Variants in CCM2 observed in about 807,000 individuals in gnomAD.
CCM2 encodes cerebral cavernous malformations 2 protein.
CCM2 carries 25 observed loss-of-function variants against 44.9 expected under a neutral mutation model. That is an observed-to-expected ratio of 0.56 (90% CI 0.41 to 0.78). The LOEUF is 0.78. CCM2 is among the 30% of genes least tolerant of loss of function. The pLI is 0.00. For synonymous variants in CCM2, 219 were observed against 241.1 expected, an observed-to-expected ratio of 0.91 and a Z score of 0.85; for missense variants, 481 against 580.6, an observed-to-expected ratio of 0.83 and a Z score of 1.76.
At chr7:45,064,403 A>G in intron 3 of CCM2, 60 bp from the exon 4 acceptor site, 3 of 1,543,284 alleles carry the variant, frequency 1.9e-6, no homozygotes, top group Non-Finnish European at 2.7e-6. Context: ...TCTCAGGAGA[A>G]GCGCCCCATG....
At position 45,069,925 on chromosome 7, in the gene CCM2, G is replaced by A; in HGVS notation, c.709G>A (p.Ala237Thr). The change falls in exon 6 of 10, where the codon GCC becomes ACC. Residue 237 changes from alanine to threonine, a missense_variant. Transcript: ENST00000258781. Reference protein sequence around the residue: ...DFLDRAIFDGASTPTHHLSLH... With the variant: ...DFLDRAIFDGTSTPTHHLSLH... ...TCTGGACAGAGCGATATTTGATGGG[G>A]CCTCTACCCCGACCCACCACCTGTC... The A allele has an allele frequency of 1.2e-6, 2 of 1,614,134 alleles. No homozygotes were observed. Among genetic ancestry groups the A allele is most frequent in the Non-Finnish European group, 1.7e-6 (2 of 1,180,040 alleles).
Position 45,073,480 on chromosome 7 carries a change from A to C in CCM2, c.824A>C (p.Asp275Ala). The change falls in exon 8 of 10, where the codon GAT (aspartate) becomes GCT (alanine). Residue 275 changes from aspartate to alanine, a missense_variant. By Grantham distance (126) the Asp-to-Ala change is moderately radical. Coordinates refer to ENST00000258781, the MANE Select transcript of CCM2 (RefSeq NM_031443.4). ...ASTFCFPESV[D>A]VGGASPHSKT... ...CGCAGCTGCTTCCCTGAATCTGTGG[A>C]TGTGGGTGGTGCATCACCCCACAGC... 6.2e-7 allele frequency: 1 copy of C among 1,613,356 alleles called. No individual in the cohort carries two copies. Among genetic ancestry groups the C allele is most frequent in the East Asian group, 2.2e-5 (1 of 44,882 alleles).
intron 1 of CCM2, among the ~76,000 whole-genome samples, chr7:45,030,443 C>A (rs1796908821): frequency 6.6e-6 from 1 of 152,094 alleles, no homozygotes; most frequent in African/African-American, 2.4e-5. Flanking sequence ...TAATTATTTC[C>A]CTCGTTCCTT....
chr7:45,037,683 G>C (rs1797291221), intron 1 of CCM2, among the ~76,000 whole-genome samples: 1 of 152,148 alleles, frequency 6.6e-6, no homozygotes, highest in Non-Finnish European at 1.5e-5. Context: ...CTCCCAAAGT[G>C]CTGGGATTAC....
chr7:45,054,895 G>A (rs554397687), intron 2 of CCM2, among the ~76,000 whole-genome samples: 10 of 152,204 alleles, frequency 6.6e-5, no homozygotes, highest in Non-Finnish European at 1.5e-4. Context: ...TTTGAGAACT[G>A]TCCAGGAGGC....
At chr7:45,072,606 C>T in intron 6 of CCM2, 120 bp from the exon 7 acceptor site, 2 of 779,038 alleles carry the variant, frequency 2.6e-6, no homozygotes, top group Non-Finnish European at 2.2e-6. Flanking sequence ...TGAAGGACAG[C>T]AGGGTCCCTG....
chr7:45,000,719 A>G (rs1795577304), intron 1 of CCM2, among the ~76,000 whole-genome samples: 1 of 152,226 alleles, frequency 6.6e-6, no homozygotes, highest in Admixed American at 6.5e-5. Flanking sequence ...GTTAACGTGG[A>G]GACGTTTGCT....
chr7:45,024,138 G>T (rs1361717228), intron 1 of CCM2, among the ~76,000 whole-genome samples: 3 of 152,062 alleles, frequency 2.0e-5, no homozygotes, highest in African/African-American at 4.8e-5. Context: ...TTTAGTTCTG[G>T]GTGTTTTCCT....
intron 1 of CCM2, among the ~76,000 whole-genome samples, chr7:45,002,313 C>G (rs1396096806): frequency 6.6e-6 from 1 of 152,214 alleles, no homozygotes; most frequent in Non-Finnish European, 1.5e-5. Context: ...GTAGCTACGC[C>G]TGTAATCCAG....
chr7:45,043,752 C>T (rs188291604), intron 2 of CCM2: 3 of 392,108 alleles, frequency 7.7e-6, no homozygotes, highest in East Asian at 1.8e-4. Flanking sequence ...TTTTCATGCC[C>T]TTTCATTTTT....
At chr7:45,073,201 G>T in intron 7 of CCM2, 1 of 583,242 alleles carries the variant, frequency 1.7e-6, no homozygotes, top group South Asian at 2.0e-5. Context: ...CAACAATGCT[G>T]CCCACTGCCT....
chr7:45,040,040 AC>A (rs1178688536), intron 2 of CCM2, among the ~76,000 whole-genome samples: 1 of 151,908 alleles, frequency 6.6e-6, no homozygotes, highest in Non-Finnish European at 1.5e-5. Flanking sequence ...AGAAAACAAA[AC>A]AAAACAACTA....
chr7:45,012,877 G>GGT (rs1472876968), intron 1 of CCM2, among the ~76,000 whole-genome samples: 1 of 152,054 alleles, frequency 6.6e-6, no homozygotes. Context: ...ATGTTTGCAT[G>GGT]GTGTGTGTCT....
chr7:45,042,882 A>G (rs1448709140), intron 2 of CCM2, among the ~76,000 whole-genome samples: 1 of 152,066 alleles, frequency 6.6e-6, no homozygotes, highest in Non-Finnish European at 1.5e-5. Flanking sequence ...ATTAATGTCA[A>G]TTCTACATAC....
At chr7:45,027,934 G>A (rs1796765917) in intron 1 of CCM2, 1 of 888,450 alleles carries the variant, frequency 1.1e-6, no homozygotes, top group Non-Finnish European at 1.8e-6. Context: ...CCCCTGCTTT[G>A]GGAGGATGGG....
chr7:45,049,494 T>G (rs1384870112), intron 2 of CCM2, among the ~76,000 whole-genome samples: 1 of 152,252 alleles, frequency 6.6e-6, no homozygotes, highest in African/African-American at 2.4e-5. Flanking sequence ...ACAGTGTATC[T>G]TGATTTATCG....
chr7:45,055,756 G>A (rs1182101791), intron 2 of CCM2, among the ~76,000 whole-genome samples: 3 of 152,186 alleles, frequency 2.0e-5, no homozygotes, highest in African/African-American at 7.2e-5. Flanking sequence ...AATTCACATT[G>A]TTGTGCAACC....
At chr7:45,074,078 C>A in intron 8 of CCM2, 192 bp from the exon 9 acceptor site, 1 of 1,308,556 alleles carries the variant, frequency 7.6e-7, no homozygotes, top group Non-Finnish European at 1.0e-6. Flanking sequence ...CCTTGGTCTC[C>A]TCTGGGTGGC....
chr7:45,059,190 T>C (rs1361966315), intron 2 of CCM2, among the ~76,000 whole-genome samples: 2 of 152,130 alleles, frequency 1.3e-5, no homozygotes, highest in Non-Finnish European at 2.9e-5. Context: ...ACGATTGATA[T>C]TTGAACATTG....
Sources: allele counts gnomAD v4.1 joint callset (sites outside exome capture counted in the v4.1 genomes callset), GRCh38; gene constraint gnomAD v4.1.1; transcripts MANE v1.5; gene names NCBI Gene and HGNC (gene_info 2026-07-23, HGNC 2026-07-21).